The following MORC3 variants were observed in gnomAD, a reference collection of about 807,000 sequenced individuals.
MORC3 encodes the protein MORC family CW-type zinc finger protein 3.
In MORC3, 31 loss-of-function variants were observed where a neutral mutation model predicts 109.1. That is an observed-to-expected ratio of 0.28 (90% CI 0.21 to 0.38). The LOEUF is 0.38. Ranked by LOEUF, MORC3 falls within the 10% of genes least tolerant of loss-of-function variation. The pLI, the probability that MORC3 is intolerant of heterozygous loss-of-function variation, is 1.00. For missense variants in MORC3, 867 were observed against 1,135.8 expected (o/e 0.76, Z 3.40); for synonymous variants, 395 against 380.7 (o/e 1.04, Z -0.44).
In MORC3 at chr21:36,375,358, ATAAT is replaced by A. The variant is rs1301056667; in HGVS notation, c.*68_*71del. ...CTTTTGGTTGTACAGCTTTCAAAAT[ATAAT>A]TAATTTTGTTTTATAGATATGATAG... On this transcript the variant is annotated 3_prime_UTR_variant, in exon 17 of 17. Transcript: ENST00000400485. 1.3e-5 allele frequency: 19 copies of A among 1,435,168 alleles called. No individual in the cohort carries two copies. The East Asian group carries it at 2.6e-4, about 19-fold the overall frequency. The allele number at this position is 1,435,168 out of a possible 1,614,324, so 88.9% of individuals were successfully genotyped here. A position where few individuals can be genotyped will look rare whatever the true frequency, so the allele number is the denominator to read the frequency against.
chr21:36,336,406 C>T lies in MORC3; in HGVS notation c.113-468C>T, dbSNP rs568634578. Reference sequence around the variant, plus strand: ...TATAGGCATGTGCCACCATGCCTGGCGGATTTTTGTATTTTTTAGTAGAGA... The same window carrying T: ...TATAGGCATGTGCCACCATGCCTGGTGGATTTTTGTATTTTTTAGTAGAGA... On this transcript the variant is annotated intron_variant, in intron 2 of 16. Transcript: ENST00000400485. Among the ~76,000 whole-genome samples the T allele has an allele frequency of 3.3e-5, 5 of 150,990 alleles. No homozygotes were observed. In the East Asian group the frequency reaches 5.9e-4, roughly 18 times the overall value.
intron 13 of MORC3, among the ~76,000 whole-genome samples, chr21:36,362,530 G>A (rs777843486): frequency 2.0e-5 from 3 of 151,922 alleles, no homozygotes; most frequent in Admixed American, 6.6e-5. Context: ...GCCACAGAGC[G>A]AGACTTCCAT....
At chr21:36,358,364 G>A (rs1475621821) in intron 10 of MORC3, among the ~76,000 whole-genome samples, 3 of 152,016 alleles carry the variant, frequency 2.0e-5, no homozygotes, top group Middle Eastern at 3.4e-3. Context: ...CAGCCTGGGC[G>A]AAAAGAGTGA....
At chr21:36,358,766 G>A (rs2085677498) in intron 10 of MORC3, among the ~76,000 whole-genome samples, 1 of 151,738 alleles carries the variant, frequency 6.6e-6, no homozygotes, top group African/African-American at 2.4e-5. Context: ...TGCAAGCTCT[G>A]CCTCCTGGGT....
At chr21:36,323,277 C>T (rs182726019) in intron 1 of MORC3, among the ~76,000 whole-genome samples, 166 of 152,286 alleles carry the variant, frequency 1.1e-3, no homozygotes, top group Non-Finnish European at 1.8e-3. Flanking sequence ...CCTACTCTCT[C>T]GGGTTCAAAT....
intron 10 of MORC3, 91 bp from the exon 11 acceptor site, chr21:36,359,864 G>A: frequency 6.6e-7 from 1 of 1,521,064 alleles, no homozygotes; most frequent in Non-Finnish European, 9.0e-7. Flanking sequence ...ATTAAATAAT[G>A]GCATCTTGTG....
Position 36,324,278 on chromosome 21 carries a change from GT to G in MORC3, c.39+3989del, listed in dbSNP as rs56818491. On this transcript the variant is annotated intron_variant, in intron 1 of 16. Coordinates refer to ENST00000400485, the MANE Select transcript of MORC3 (RefSeq NM_015358.3). ...CTTATTGCTAGATACATTAACTGTA[GT>G]TTTTTTTTTTTTTGAGATGGAGTCT... is the stretch of plus-strand genomic sequence containing the variant. 3.5e-3 allele frequency among the ~76,000 whole-genome samples: 497 copies of G among 143,258 alleles called. 1 individual carries two copies. Among genetic ancestry groups the G allele is most frequent in the South Asian group, 5.5e-3 (25 of 4,518 alleles). The allele number at this position is 143,258 out of a possible 152,430, so 94.0% of individuals were successfully genotyped here.
chr21:36,341,428 A>G lies in MORC3; in HGVS notation c.638A>G (p.Glu213Gly). ...AAAAATGCAACAGAGTTCGATTTTG[A>G]AAAGGATAAATATGATATCAGAATT... Reference protein sequence around the residue: ...SYKNATEFDFEKDKYDIRIPE... With the variant: ...SYKNATEFDFGKDKYDIRIPE... The change falls in exon 6 of 17, where the codon GAA becomes GGA. Residue 213 changes from glutamate to glycine, a missense_variant. Physicochemically the swap from Glu to Gly is moderately conservative, Grantham distance 98. Transcript: ENST00000400485. 3 of 1,600,416 alleles carry G rather than the reference A, an allele frequency of 1.9e-6. No individual in the cohort carries two copies. The highest frequency in any genetic ancestry group is 1.7e-6 in the Non-Finnish European group (2 of 1,177,114).
At chr21:36,368,854 G>T in intron 14 of MORC3, 134 bp from the exon 15 acceptor site, 2 of 803,528 alleles carry the variant, frequency 2.5e-6, no homozygotes, top group South Asian at 3.9e-5. Flanking sequence ...TCTAGCCTGG[G>T]CGACAGAGTG....
chr21:36,356,535 A>G (rs1184782905), intron 9 of MORC3, 85 bp from the exon 10 acceptor site: 2 of 742,454 alleles, frequency 2.7e-6, no homozygotes, highest in East Asian at 6.2e-5. Flanking sequence ...TTTTCTCTTC[A>G]CAGTGTCTAT....
intron 13 of MORC3, among the ~76,000 whole-genome samples, 195 bp downstream of exon 13, chr21:36,362,423 A>G (rs1241337276): frequency 1.3e-5 from 2 of 151,848 alleles, no homozygotes; most frequent in Admixed American, 1.3e-4. Context: ...CATACCTGTA[A>G]TCCCAGCTAC....
chr21:36,333,842 G>A (rs1169756243), intron 2 of MORC3, 124 bp downstream of exon 2: 1 of 750,706 alleles, frequency 1.3e-6, no homozygotes, highest in Non-Finnish European at 2.1e-6. Flanking sequence ...GAGTGCAGTG[G>A]CGCAGTCTCG....
chr21:36,368,009 C>T (rs541534164), intron 14 of MORC3, among the ~76,000 whole-genome samples: 7 of 152,100 alleles, frequency 4.6e-5, no homozygotes, highest in African/African-American at 7.2e-5. Context: ...AGGCTGTGCT[C>T]GCCCAATATG....
In MORC3 at chr21:36,362,099, C is replaced by T. The variant is rs1361042420; in HGVS notation, c.1407-84C>T. ...TGAAATAGAAGCAGAGTTCAGAGTACCTTAGTAACTGCATAAATGGCAGGT... is the reference window on the plus strand; with the variant it reads ...TGAAATAGAAGCAGAGTTCAGAGTATCTTAGTAACTGCATAAATGGCAGGT... On this transcript the variant is annotated intron_variant, in intron 12 of 16. Transcript: ENST00000400485. 5.8e-6 allele frequency: 8 copies of T among 1,367,804 alleles called. No individual in the cohort carries two copies. In the Admixed American group the frequency reaches 1.1e-4, roughly 18 times the overall value. The allele number at this position is 1,367,804 out of a possible 1,614,324, so 84.7% of individuals were successfully genotyped here.
intron 12 of MORC3, among the ~76,000 whole-genome samples, chr21:36,361,076 A>G (rs940411827): frequency 6.6e-6 from 1 of 151,858 alleles, no homozygotes; most frequent in African/African-American, 2.4e-5. Flanking sequence ...CTATCTTAAA[A>G]AAAAAAAAAA....
intron 9 of MORC3, among the ~76,000 whole-genome samples, chr21:36,353,355 C>CAAAAA (rs35837458): frequency 1.8e-5 from 1 of 55,656 alleles, no homozygotes; most frequent in African/African-American, 7.8e-5. Context: ...GACTCTGTCT[C>CAAAAA]AAAAAAAAAA....
intron 12 of MORC3, among the ~76,000 whole-genome samples, chr21:36,361,120 A>T (rs1013583592): frequency 6.6e-6 from 1 of 151,806 alleles, no homozygotes; most frequent in African/African-American, 2.4e-5. Context: ...CTGAATAAGG[A>T]TAGTCAGCCA....
intron 12 of MORC3, among the ~76,000 whole-genome samples, chr21:36,361,242 G>A (rs907511947): frequency 6.6e-6 from 1 of 151,754 alleles, no homozygotes; most frequent in Non-Finnish European, 1.5e-5. Flanking sequence ...CAATAGTATT[G>A]GAAGTATAGA....
At position 36,329,923 on chromosome 21, in the gene MORC3, C is replaced by G. The variant is rs1450694736; in HGVS notation, c.40-3723C>G. On this transcript the variant is annotated intron_variant, in intron 1 of 16. Transcript: ENST00000400485. ...TGTTGCCCAGATTGGAGTGCAATGA[C>G]CTGATCTCAGCTCACTGTAACCTCC... 2.0e-5 allele frequency among the ~76,000 whole-genome samples: 3 copies of G among 151,824 alleles called. No individual in the cohort carries two copies. In the East Asian group the frequency reaches 5.8e-4, roughly 29 times the overall value.
Sources: allele counts gnomAD v4.1 joint callset (sites outside exome capture counted in the v4.1 genomes callset), GRCh38; gene constraint gnomAD v4.1.1; transcripts MANE v1.5; gene names NCBI Gene and HGNC (gene_info 2026-07-23, HGNC 2026-07-21).